The following MAF variants were observed in gnomAD, a reference collection of about 807,000 sequenced individuals.
MAF encodes transcription factor Maf.
In MAF, 10 loss-of-function variants were observed where a neutral mutation model predicts 22.0. The ratio of observed to expected loss-of-function variants is 0.45; its 90% CI spans 0.28 to 0.77. The LOEUF (loss-of-function observed/expected upper bound fraction) is 0.77, where lower values mean the gene tolerates loss of function less well. MAF is among the 30% of genes least tolerant of loss of function. The pLI is 0.12. For synonymous variants in MAF, 337 were observed against 255.8 expected, an observed-to-expected ratio of 1.32 and a Z score of -3.03; for missense variants, 544 against 548.4, an observed-to-expected ratio of 0.99 and a Z score of 0.08.
At chr16:79,541,120 C>A in the MAF span, among the ~76,000 whole-genome samples, 3 of 147,212 alleles carry the variant, frequency 2.0e-5, no homozygotes, top group Admixed American at 6.8e-5. Context: ...ACTGATATTA[C>A]CACTACTATA....
chr16:79,400,475 G>A, the MAF span, among the ~76,000 whole-genome samples: 2 of 152,232 alleles, frequency 1.3e-5, no homozygotes, highest in African/African-American at 2.4e-5. Flanking sequence ...CACAGTGCCT[G>A]GCCTGGTTAA....
the MAF span, among the ~76,000 whole-genome samples, chr16:79,426,210 G>GA: frequency 3.1e-4 from 45 of 146,980 alleles, 1 homozygote; most frequent in South Asian, 1.7e-3. Context: ...CATCTCAAAA[G>GA]AAAAAAAAAA....
At chr16:79,479,768 A>C in the MAF span, among the ~76,000 whole-genome samples, 1 of 152,232 alleles carries the variant, frequency 6.6e-6, no homozygotes, top group East Asian at 1.9e-4. Flanking sequence ...CTGGTACTCT[A>C]TATCCATGCT....
chr16:79,567,304 G>A, the MAF span, among the ~76,000 whole-genome samples: 1 of 148,722 alleles, frequency 6.7e-6, no homozygotes, highest in Non-Finnish European at 1.5e-5. Context: ...GGTGACAAGA[G>A]CAAGACTCCA....
At chr16:79,380,623 G>A in the MAF span, among the ~76,000 whole-genome samples, 5 of 152,134 alleles carry the variant, frequency 3.3e-5, no homozygotes, top group African/African-American at 1.2e-4. Context: ...TTAGTAGTGT[G>A]CCTGGAACTG....
At chr16:79,334,263 G>A in the MAF span, among the ~76,000 whole-genome samples, 3 of 152,288 alleles carry the variant, frequency 2.0e-5, no homozygotes, top group East Asian at 1.9e-4. Context: ...ATTGCACAGC[G>A]ACGGCAAAGA....
rs1178478630 is a variant in MAF at position 79,594,560 on chromosome 16, T to C, written c.1119-7A>G. The C allele has an allele frequency of 6.4e-7, 1 of 1,557,008 alleles. No homozygotes were observed. On this transcript the variant is annotated splice_region_variant and splice_polypyrimidine_tract_variant and intron_variant, in intron 1 of 1. Transcript: ENST00000326043. Reference sequence around the variant, plus strand: ...CTTGCGAGTGGGCTCAGTTCTGTAATTGGAATGAAAGGAATTTTAACACTA... The same window carrying C: ...CTTGCGAGTGGGCTCAGTTCTGTAACTGGAATGAAAGGAATTTTAACACTA...
the MAF span, among the ~76,000 whole-genome samples, chr16:79,244,533 G>A: frequency 2.5e-4 from 38 of 152,074 alleles, no homozygotes; most frequent in South Asian, 7.3e-3. Flanking sequence ...CTTCTTCAAG[G>A]AGAACTACAA....
At chr16:79,478,996 G>A in the MAF span, among the ~76,000 whole-genome samples, 12 of 145,726 alleles carry the variant, frequency 8.2e-5, no homozygotes, top group Non-Finnish European at 1.7e-4. Context: ...TACCTGTATA[G>A]CATCCTAGTG....
the MAF span, among the ~76,000 whole-genome samples, chr16:79,218,533 G>GTTACA: frequency 6.6e-6 from 1 of 152,122 alleles, no homozygotes; most frequent in South Asian, 2.1e-4. Context: ...ATCTGGAAGG[G>GTTACA]TTACACAGGC....
At chr16:79,255,658 C>A in the MAF span, among the ~76,000 whole-genome samples, 3 of 152,322 alleles carry the variant, frequency 2.0e-5, no homozygotes, top group African/African-American at 7.2e-5. Flanking sequence ...TTGTCTTCAA[C>A]TGTCTGTACA....
the MAF span, among the ~76,000 whole-genome samples, chr16:79,393,020 GT>G: frequency 3.9e-5 from 6 of 152,090 alleles, no homozygotes; most frequent in African/African-American, 1.4e-4. Context: ...CTTCCAGGAA[GT>G]TTTTTTTCTC....
chr16:79,506,697 G>T, the MAF span, among the ~76,000 whole-genome samples: 1 of 152,162 alleles, frequency 6.6e-6, no homozygotes, highest in Admixed American at 6.5e-5. Context: ...TGTGTGCATG[G>T]TGCACCTAGA....
At chr16:79,416,828 T>A in the MAF span, among the ~76,000 whole-genome samples, 1 of 152,230 alleles carries the variant, frequency 6.6e-6, no homozygotes, top group Non-Finnish European at 1.5e-5. Context: ...TTTTGACTAT[T>A]TCTTCATGGG....
At chr16:79,434,776 T>A in the MAF span, among the ~76,000 whole-genome samples, 2 of 152,142 alleles carry the variant, frequency 1.3e-5, no homozygotes, top group Non-Finnish European at 2.9e-5. Context: ...AATATTACAT[T>A]TTAAAAGATT....
At chr16:79,458,776 C>T in the MAF span, among the ~76,000 whole-genome samples, 32 of 152,280 alleles carry the variant, frequency 2.1e-4, no homozygotes, top group East Asian at 5.6e-3. Flanking sequence ...TAACCCTTTG[C>T]ATTTGCCAAA....
chr16:79,274,901 T>C, the MAF span, among the ~76,000 whole-genome samples: 1 of 152,318 alleles, frequency 6.6e-6, no homozygotes, highest in East Asian at 1.9e-4. Context: ...TCAATTCAAG[T>C]TCAGGGATGA....
chr16:79,529,480 T>C, the MAF span, among the ~76,000 whole-genome samples: 3 of 152,222 alleles, frequency 2.0e-5, no homozygotes, highest in Non-Finnish European at 4.4e-5. Flanking sequence ...TGTGAATCTA[T>C]AATTATTTCA....
the MAF span, among the ~76,000 whole-genome samples, chr16:79,285,811 T>C: frequency 6.6e-6 from 1 of 152,122 alleles, no homozygotes; most frequent in African/African-American, 2.4e-5. Context: ...CACACTGAGG[T>C]CTGCACTGCC....
Sources: allele counts gnomAD v4.1 joint callset (sites outside exome capture counted in the v4.1 genomes callset), GRCh38; gene constraint gnomAD v4.1.1; transcripts MANE v1.5; gene names NCBI Gene and HGNC (gene_info 2026-07-23, HGNC 2026-07-21).